Variants in SYNPO2 observed in about 807,000 individuals in gnomAD.
SYNPO2 encodes synaptopodin 2.
A neutral mutation model predicts 85.0 loss-of-function variants in SYNPO2; 56 were observed. The observed-to-expected ratio is 0.66, with a 90% confidence interval of 0.53 to 0.82. SYNPO2 has a LOEUF of 0.82. Among genes scored for constraint, SYNPO2 ranks in the 40% least tolerant of loss-of-function variants. SYNPO2 has a pLI of 0.00. For synonymous variants in SYNPO2, 602 were observed against 591.1 expected (o/e 1.02, Z -0.27); for missense variants, 1,575 against 1,534.2 (o/e 1.03, Z -0.44).
chr4:118,947,633 G>C (rs1734551432), intron 1 of SYNPO2, among the ~76,000 whole-genome samples: 1 of 152,228 alleles, frequency 6.6e-6, no homozygotes, highest in Admixed American at 6.5e-5. Flanking sequence ...CCCAGGAGAA[G>C]TAATCATCAC....
At chr4:118,910,056 A>G (rs1369171335) in intron 1 of SYNPO2, among the ~76,000 whole-genome samples, 2 of 152,118 alleles carry the variant, frequency 1.3e-5, no homozygotes, top group African/African-American at 4.8e-5. Flanking sequence ...ATGACCTCCA[A>G]ATCATTCATG....
At chr4:118,962,752 C>G (rs1735155451) in intron 1 of SYNPO2, among the ~76,000 whole-genome samples, 1 of 152,172 alleles carries the variant, frequency 6.6e-6, no homozygotes, top group African/African-American at 2.4e-5. Context: ...AGTCCTGCTT[C>G]CATGTTTGGA....
chr4:119,030,910 C>T lies in SYNPO2; in HGVS notation c.2135C>T (p.Ser712Leu). 6.2e-7 allele frequency: 1 copy of T among 1,614,180 alleles called. No individual in the cohort carries two copies. The highest frequency in any genetic ancestry group is 8.5e-7 in the Non-Finnish European group (1 of 1,180,030). ...PKVSPNPELL[S>L]LLQNSEGKRG... ...GTAAGCCCAAATCCTGAACTCTTGTCACTCCTTCAAAATTCAGAAGGCAAA... is the reference window on the plus strand; with the variant it reads ...GTAAGCCCAAATCCTGAACTCTTGTTACTCCTTCAAAATTCAGAAGGCAAA... The change falls in exon 4 of 5, where the codon TCA (serine) becomes TTA (leucine). Residue 712 changes from serine (S) to leucine (L), a missense_variant. Physicochemically the swap from Ser to Leu is moderately radical, Grantham distance 145. Transcript: ENST00000307142.
chr4:119,048,038 C>G lies in SYNPO2; in HGVS notation c.3253-9363C>G, dbSNP rs112573878. On this transcript the variant is annotated intron_variant, in intron 4 of 4. Coordinates refer to ENST00000307142, the MANE Select transcript of SYNPO2 (RefSeq NM_133477.3). ...ATGCATAATTTTCTAAGACTTTTCT[C>G]AATTGTGAAATCAAAGCCGTTTGAA... 1.7e-3 allele frequency among the ~76,000 whole-genome samples: 256 copies of G among 152,302 alleles called. 1 individual carries two copies. The highest frequency in any genetic ancestry group is 3.1e-3 in the Admixed American group (47 of 15,292).
At chr4:119,048,575 A>G (rs138737451) in intron 4 of SYNPO2, among the ~76,000 whole-genome samples, 3 of 152,316 alleles carry the variant, frequency 2.0e-5, no homozygotes, top group African/African-American at 7.2e-5. Flanking sequence ...AGGAATTTTG[A>G]GAGAGGGAGG....
chr4:118,944,638 C>T (rs1404484964), intron 1 of SYNPO2, among the ~76,000 whole-genome samples: 1 of 151,268 alleles, frequency 6.6e-6, no homozygotes, highest in Non-Finnish European at 1.5e-5. Context: ...ACAAAAAAAA[C>T]ACCCAATAAT....
chr4:118,857,120 C>G (rs1043505847), intron 1 of SYNPO2, among the ~76,000 whole-genome samples: 1 of 151,900 alleles, frequency 6.6e-6, no homozygotes, highest in African/African-American at 2.4e-5. Context: ...GTGTATTAAA[C>G]TCAGCAATTG....
chr4:119,039,830 A>G (rs750178218), intron 4 of SYNPO2, among the ~76,000 whole-genome samples: 2 of 152,190 alleles, frequency 1.3e-5, no homozygotes, highest in Non-Finnish European at 2.9e-5. Context: ...AATTTAGGAA[A>G]AGCAAAAGGT....
intron 4 of SYNPO2, among the ~76,000 whole-genome samples, chr4:119,039,200 C>T (rs1182877403): frequency 6.6e-6 from 1 of 152,074 alleles, no homozygotes; most frequent in African/African-American, 2.4e-5. Flanking sequence ...CTATTATCAT[C>T]CCACTTTAAG....
At chr4:119,023,697 G>C in intron 2 of SYNPO2, 116 bp downstream of exon 2, 1 of 1,211,538 alleles carries the variant, frequency 8.3e-7, no homozygotes, top group Non-Finnish European at 1.1e-6. Context: ...CTTTGTAGAA[G>C]GTTAGGTATA....
At chr4:119,002,638 C>G (rs185509869) in intron 1 of SYNPO2, among the ~76,000 whole-genome samples, 3 of 152,296 alleles carry the variant, frequency 2.0e-5, no homozygotes, top group Admixed American at 2.0e-4. Flanking sequence ...CAGCTATCTT[C>G]CTGGAGTCTC....
At chr4:118,882,146 T>C (rs1732115978) in intron 1 of SYNPO2, among the ~76,000 whole-genome samples, 1 of 152,244 alleles carries the variant, frequency 6.6e-6, no homozygotes, top group Non-Finnish European at 1.5e-5. Flanking sequence ...TTTTACCTCT[T>C]ATTGTTGTCG....
intron 1 of SYNPO2, among the ~76,000 whole-genome samples, chr4:118,996,865 A>C (rs545341815): frequency 2.2e-3 from 335 of 150,482 alleles, no homozygotes; most frequent in African/African-American, 7.5e-3. Context: ...TCAAAAAAAA[A>C]AAAAAAAGTG....
rs1732272133 is a variant in SYNPO2, at chr4:118,888,954, C to G, written c.-83C>G. ...CAGTCTTGCGTCCTCGGCAGGCGCC[C>G]GAAGCTGAGTGCGCATCCTCTACCG... is the stretch of plus-strand genomic sequence containing the variant. On this transcript the variant is annotated 5_prime_UTR_variant, in exon 1 of 5. Transcript: ENST00000307142. 1 of 1,411,306 alleles carries G rather than the reference C, an allele frequency of 7.1e-7. No homozygotes were observed. Among genetic ancestry groups the G allele is most frequent in the African/African-American group, 1.4e-5 (1 of 70,550 alleles). 87.4% of individuals were successfully genotyped at this position (1,411,306 alleles called of 1,614,324 possible).
intron 1 of SYNPO2, among the ~76,000 whole-genome samples, chr4:118,867,111 C>CT (rs1363155796): frequency 6.6e-6 from 1 of 152,032 alleles, no homozygotes; most frequent in Non-Finnish European, 1.5e-5. Flanking sequence ...TCACATATTG[C>CT]TTATGGCAAC....
chr4:119,047,201 C>T (rs1338932309), intron 4 of SYNPO2, among the ~76,000 whole-genome samples: 2 of 152,270 alleles, frequency 1.3e-5, no homozygotes, highest in Non-Finnish European at 1.5e-5. Flanking sequence ...GCTGAGATTA[C>T]AGGCATGAGC....
chr4:118,876,175 C>G (rs925954393), intron 1 of SYNPO2, among the ~76,000 whole-genome samples: 1 of 152,142 alleles, frequency 6.6e-6, no homozygotes, highest in African/African-American at 2.4e-5. Flanking sequence ...GCTTCGTCAA[C>G]GTTGTATTAA....
chr4:119,040,426 T>C (rs762053734), intron 4 of SYNPO2, among the ~76,000 whole-genome samples: 51 of 152,370 alleles, frequency 3.3e-4, no homozygotes, highest in Non-Finnish European at 5.9e-4. Context: ...TACATTCCTC[T>C]GTATTCAGCC....
At chr4:118,867,463 C>CTTTG (rs767615302) in intron 1 of SYNPO2, among the ~76,000 whole-genome samples, 1 of 146,366 alleles carries the variant, frequency 6.8e-6, no homozygotes, top group Admixed American at 6.8e-5. Flanking sequence ...CTATTAGTTT[C>CTTTG]TTTCTTTTTT....
Sources: allele counts gnomAD v4.1 joint callset (sites outside exome capture counted in the v4.1 genomes callset), GRCh38; gene constraint gnomAD v4.1.1; transcripts MANE v1.5; gene names NCBI Gene and HGNC (gene_info 2026-07-23, HGNC 2026-07-21).